The following IL1RL1 variants were observed in gnomAD, a reference collection of about 807,000 sequenced individuals.
IL1RL1 encodes interleukin 1 receptor like 1, also known as interleukin-1 receptor-like 1.
IL1RL1 carries 32 observed loss-of-function variants against 50.9 expected under a neutral mutation model. The ratio of observed to expected loss-of-function variants is 0.63; its 90% CI spans 0.47 to 0.84. The LOEUF (loss-of-function observed/expected upper bound fraction) is 0.84. Among genes scored for constraint, IL1RL1 ranks in the 40% least tolerant of loss-of-function variants. The pLI, the probability that IL1RL1 is intolerant of heterozygous loss-of-function variation, is 0.00. For missense variants in IL1RL1, 773 were observed against 662.9 expected (o/e 1.17, Z -1.82); for synonymous variants, 275 against 236.0 (o/e 1.17, Z -1.51).
Position 102,343,268 on chromosome 2 carries a change from A to C in IL1RL1, c.825-2A>C. ...ATTAAAAGTAACAGGTTGCTTTCTT[A>C]GTTTCAGCAATGGGCTGGCTTGTCT... On this transcript the variant is annotated splice_acceptor_variant, in intron 7 of 10. Transcript: ENST00000233954. LOFTEE classifies it high-confidence loss of function. 6.2e-7 allele frequency: 1 copy of C among 1,614,188 alleles called. No homozygotes were observed. Among genetic ancestry groups the C allele is most frequent in the Non-Finnish European group, 8.5e-7 (1 of 1,180,012 alleles).
chr2:102,337,157 G>T (rs3771180), intron 1 of IL1RL1: 26,588 of 152,196 alleles, frequency 0.17, 2,651 homozygotes, highest in African/African-American at 0.26. Context: ...AGTACATGAT[G>T]CACCAGCATT....
chr2:102,341,482 A>G (rs1423049793), intron 5 of IL1RL1: 1 of 336,772 alleles, frequency 3.0e-6, no homozygotes, highest in East Asian at 1.5e-4. Context: ...TCCTTAGCAC[A>G]AGTCGATCTA....
At chr2:102,315,661 G>A (rs1676654800) in intron 1 of IL1RL1, among the ~76,000 whole-genome samples, 1 of 152,050 alleles carries the variant, frequency 6.6e-6, no homozygotes, top group Non-Finnish European at 1.5e-5. Context: ...TTCTTAAGTA[G>A]TGGTTTCTGG....
chr2:102,334,043 T>C (rs565377599), intron 1 of IL1RL1, among the ~76,000 whole-genome samples: 1 of 152,266 alleles, frequency 6.6e-6, no homozygotes, highest in South Asian at 2.1e-4. Flanking sequence ...GCAGTGAACA[T>C]ACTAGTAGAG....
chr2:102,343,431 G>T lies in IL1RL1; in HGVS notation c.970+16G>T. 6.2e-7 allele frequency: 1 copy of T among 1,614,214 alleles called. No homozygotes were observed. Among genetic ancestry groups the T allele is most frequent in the Non-Finnish European group, 8.5e-7 (1 of 1,180,040 alleles). ...AAAAATCCAAGTAAGGAGTGTTTCT[G>T]AGACTTTGATCACCTGAACTTTCTC... On this transcript the variant is annotated intron_variant, in intron 8 of 10. Coordinates refer to ENST00000233954, the MANE Select transcript of IL1RL1 (RefSeq NM_016232.5).
At chr2:102,318,916 T>G (rs923074693) in intron 1 of IL1RL1, among the ~76,000 whole-genome samples, 9 of 152,116 alleles carry the variant, frequency 5.9e-5, no homozygotes, top group East Asian at 3.8e-4. Context: ...AAATTGAAAT[T>G]TAAAGAAACA....
At position 102,311,981 on chromosome 2, in the gene IL1RL1, A is replaced by ATATATATTAAATATAATATATT. The variant is rs1559592177; in HGVS notation, c.-150+367_-150+368insAATATAATATATTTATATATTA. Among the ~76,000 whole-genome samples, 73 of 32,050 alleles carry ATATATATTAAATATAATATATT rather than the reference A, an allele frequency of 2.3e-3. 5 individuals carry two copies. Among genetic ancestry groups the ATATATATTAAATATAATATATT allele is most frequent in the African/African-American group, 0.016 (73 of 4,480 alleles). The allele number at this position is 32,050 out of a possible 152,430, so 21.0% of individuals were successfully genotyped here. A position where few individuals can be genotyped will look rare whatever the true frequency, so the allele number is the denominator to read the frequency against. On this transcript the variant is annotated intron_variant, in intron 1 of 10. Coordinates refer to ENST00000233954, the MANE Select transcript of IL1RL1 (RefSeq NM_016232.5). ...TATATTATATATAATATTATATATA[A>ATATATATTAAATATAATATATT]TATATATTATATATAATATATTTAT... is the stretch of plus-strand genomic sequence containing the variant.
chr2:102,311,995 TAATATA>T (rs1676517359), intron 1 of IL1RL1, among the ~76,000 whole-genome samples: 1 of 32,408 alleles, frequency 3.1e-5, no homozygotes, highest in Non-Finnish European at 4.9e-5. Flanking sequence ...ATATTATATA[TAATATA>T]TTTATATATA....
At chr2:102,342,704 A>C (rs965646012) in intron 6 of IL1RL1, among the ~76,000 whole-genome samples, 7 of 152,202 alleles carry the variant, frequency 4.6e-5, no homozygotes, top group African/African-American at 1.7e-4. Context: ...AGTTGGAAAG[A>C]AACTCTAATT....
chr2:102,336,535 T>C (rs1465345244), intron 1 of IL1RL1, among the ~76,000 whole-genome samples: 1 of 152,250 alleles, frequency 6.6e-6, no homozygotes, highest in Non-Finnish European at 1.5e-5. Flanking sequence ...ATCGCAACTA[T>C]GCATAGCTAA....
intron 1 of IL1RL1, chr2:102,337,124 A>G (rs568069094): frequency 2.0e-5 from 3 of 152,184 alleles, no homozygotes; most frequent in Non-Finnish European, 4.4e-5. Flanking sequence ...TTAAATATTT[A>G]TTTGTCAACA....
chr2:102,311,836 TA>T (rs1477501650), intron 1 of IL1RL1, among the ~76,000 whole-genome samples: 1 of 81,228 alleles, frequency 1.2e-5, no homozygotes, highest in East Asian at 2.5e-4. Flanking sequence ...ATATATATTA[TA>T]TAATTGTAAT....
At position 102,351,978 on chromosome 2, in the gene IL1RL1, C is replaced by G; in HGVS notation, c.*57C>G. 1 of 1,506,912 alleles carries G rather than the reference C, an allele frequency of 6.6e-7. No individual in the cohort carries two copies. The highest frequency in any genetic ancestry group is 9.0e-7 in the Non-Finnish European group (1 of 1,112,128). The allele number at this position is 1,506,912 out of a possible 1,614,324, so 93.3% of individuals were successfully genotyped here. A position where few individuals can be genotyped will look rare whatever the true frequency, so the allele number is the denominator to read the frequency against. ...TTGAAGCTTTCCTGACTTCTCCTAG[C>G]TGGCTTATGCCCCTGCACTGAAGTG... On this transcript the variant is annotated 3_prime_UTR_variant, in exon 11 of 11. Coordinates refer to ENST00000233954, the MANE Select transcript of IL1RL1 (RefSeq NM_016232.5).
In IL1RL1 at chr2:102,340,696, A is replaced by G. The variant is rs558215616; in HGVS notation, c.478A>G (p.Arg160Gly). Residue 160 changes from arginine (R) to glycine (G), a missense_variant, in exon 5 of 11, where the codon AGG becomes GGG. Physicochemically the swap from Arg to Gly is moderately radical, Grantham distance 125. Transcript: ENST00000233954. ...TCAGGCTCTTCAAGGATCAAGGTAC[A>G]GGGCGCACAAGTCATTTTTGGTCAT... ...NCQALQGSRY[R>G]AHKSFLVIDN... 1.3e-6 allele frequency: 2 copies of G among 1,597,328 alleles called. No individual in the cohort carries two copies. The highest frequency in any genetic ancestry group is 1.1e-5 in the South Asian group (1 of 87,856).
At chr2:102,332,261 A>G (rs1487097265) in intron 1 of IL1RL1, among the ~76,000 whole-genome samples, 2 of 152,204 alleles carry the variant, frequency 1.3e-5, no homozygotes, top group East Asian at 3.9e-4. Flanking sequence ...TGAATGCCTT[A>G]GAAAAAGATT....
intron 1 of IL1RL1, among the ~76,000 whole-genome samples, chr2:102,327,276 G>A (rs1356212793): frequency 2.0e-5 from 3 of 151,844 alleles, no homozygotes; most frequent in African/African-American, 7.3e-5. Flanking sequence ...ACGAAATGAA[G>A]GCAGAAATAA....
At chr2:102,349,945 A>C (rs893901655) in intron 10 of IL1RL1, among the ~76,000 whole-genome samples, 6 of 152,222 alleles carry the variant, frequency 3.9e-5, no homozygotes, top group African/African-American at 1.4e-4. Flanking sequence ...TAAGCATAAT[A>C]AAGTAAATGT....
chr2:102,347,563 T>C (rs1441881216), intron 8 of IL1RL1, among the ~76,000 whole-genome samples: 2 of 152,202 alleles, frequency 1.3e-5, no homozygotes, highest in Non-Finnish European at 2.9e-5. Flanking sequence ...CATTTCCTTT[T>C]TTGCATCTCC....
At chr2:102,350,000 C>T (rs1677884843) in intron 10 of IL1RL1, among the ~76,000 whole-genome samples, 1 of 152,166 alleles carries the variant, frequency 6.6e-6, no homozygotes, top group Non-Finnish European at 1.5e-5. Context: ...GAGGAATTCA[C>T]ATGCCTATAG....
Sources: allele counts gnomAD v4.1 joint callset (sites outside exome capture counted in the v4.1 genomes callset), GRCh38; gene constraint gnomAD v4.1.1; transcripts MANE v1.5; gene names NCBI Gene and HGNC (gene_info 2026-07-23, HGNC 2026-07-21).